KAZN: variants seen among roughly 807,000 people sequenced by gnomAD.
KAZN encodes kazrin, periplakin interacting protein.
In KAZN, 40 loss-of-function variants were observed where a neutral mutation model predicts 87.4. The ratio of observed to expected loss-of-function variants is 0.46; its 90% CI spans 0.36 to 0.60. The LOEUF (loss-of-function observed/expected upper bound fraction) is 0.60. KAZN is among the 20% of genes least tolerant of loss of function. KAZN has a pLI of 0.00. For missense variants in KAZN, 898 were observed against 1,073.9 expected, an observed-to-expected ratio of 0.84 and a Z score of 2.29; for synonymous variants, 466 against 458.3, an observed-to-expected ratio of 1.02 and a Z score of -0.22.
intron 1 of KAZN, among the ~76,000 whole-genome samples, chr1:14,784,648 A>T (rs1185876008): frequency 1.3e-5 from 2 of 152,182 alleles, no homozygotes; most frequent in Non-Finnish European, 2.9e-5. Flanking sequence ...AGTCTCTGGT[A>T]CTTGGGAGGC....
intron 1 of KAZN, among the ~76,000 whole-genome samples, chr1:14,776,644 T>C (rs1033025012): frequency 1.3e-5 from 2 of 152,130 alleles, no homozygotes; most frequent in Non-Finnish European, 2.9e-5. Context: ...TGGTAACTTT[T>C]TGGGCCGGGC....
In KAZN at chr1:14,248,367, G is replaced by A. The variant is rs1649704505; in HGVS notation, c.249+67775G>A. ...AAACATATATTTGTTAGCATTTGCT[G>A]TGTACCAGGAGCCAAAGTAAAAATT... On this transcript the variant is annotated intron_variant, in intron 2 of 16. Coordinates refer to the KAZN transcript ENST00000636203. Among the ~76,000 whole-genome samples the A allele has an allele frequency of 2.0e-5, 3 of 152,322 alleles. No individual in the cohort carries two copies. In the South Asian group the frequency reaches 6.2e-4, roughly 32 times the overall value.
chr1:14,025,741 A>T (rs76902370), intron 1 of KAZN, among the ~76,000 whole-genome samples: 3,212 of 152,292 alleles, frequency 0.021, 111 homozygotes, highest in African/African-American at 0.072. Context: ...TTATTTAATT[A>T]TAATTGTATT....
intron 2 of KAZN, among the ~76,000 whole-genome samples, chr1:14,192,863 CATT>C (rs994276777): frequency 6.6e-6 from 1 of 152,118 alleles, no homozygotes; most frequent in African/African-American, 2.4e-5. Flanking sequence ...AAGAATGTGA[CATT>C]ATTTGGACAT....
chr1:14,105,039 C>T (rs966866227), intron 1 of KAZN, among the ~76,000 whole-genome samples: 12 of 152,064 alleles, frequency 7.9e-5, no homozygotes, highest in African/African-American at 2.7e-4. Flanking sequence ...CTCTCATAAG[C>T]GCTGGAACTC....
At chr1:15,036,992 A>G (rs1672406159) in intron 3 of KAZN, among the ~76,000 whole-genome samples, 1 of 152,184 alleles carries the variant, frequency 6.6e-6, no homozygotes, top group Non-Finnish European at 1.5e-5. Flanking sequence ...GCCTGGGTCC[A>G]GAGCCTACGG....
At chr1:14,604,574 C>G (rs931574567) in intron 1 of KAZN, among the ~76,000 whole-genome samples, 1 of 152,246 alleles carries the variant, frequency 6.6e-6, no homozygotes, top group Non-Finnish European at 1.5e-5. Context: ...GGCACTCCTG[C>G]TACCCCCTTG....
chr1:14,274,483 C>T lies in KAZN; in HGVS notation c.249+93891C>T, dbSNP rs374206583. Among the ~76,000 whole-genome samples, 30 of 152,302 alleles carry T rather than the reference C, an allele frequency of 2.0e-4. No homozygotes were observed. In the South Asian group the frequency reaches 3.7e-3, roughly 19 times the overall value. ...TCCTGATTCTGACTTTATACCTAAG[C>T]ATCATCCGGGGAGCTTAATAAAATG... On this transcript the variant is annotated intron_variant, in intron 2 of 16. Coordinates refer to the KAZN transcript ENST00000636203.
intron 2 of KAZN, among the ~76,000 whole-genome samples, chr1:14,385,383 T>C (rs573570432): frequency 3.3e-5 from 5 of 152,346 alleles, no homozygotes; most frequent in Non-Finnish European, 5.9e-5. Context: ...CTTGCTTTTC[T>C]AGTTCTTTTA....
At chr1:14,068,695 G>A (rs1643115540) in intron 1 of KAZN, among the ~76,000 whole-genome samples, 1 of 152,144 alleles carries the variant, frequency 6.6e-6, no homozygotes, top group African/African-American at 2.4e-5. Context: ...TGTTATAAAT[G>A]CAGTTGTCTT....
intron 2 of KAZN, among the ~76,000 whole-genome samples, chr1:14,551,591 A>G (rs1383958252): frequency 6.6e-6 from 1 of 152,178 alleles, no homozygotes; most frequent in African/African-American, 2.4e-5. Context: ...TATCTGCTCC[A>G]CGTGTTCGTT....
chr1:14,992,450 T>C (rs987665723), intron 2 of KAZN, among the ~76,000 whole-genome samples: 1 of 152,138 alleles, frequency 6.6e-6, no homozygotes, highest in East Asian at 1.9e-4. Flanking sequence ...CTGGCCATTA[T>C]TCGATGAGGA....
intron 1 of KAZN, among the ~76,000 whole-genome samples, chr1:14,087,752 A>G (rs1643887933): frequency 6.6e-6 from 1 of 152,032 alleles, no homozygotes; most frequent in Non-Finnish European, 1.5e-5. Context: ...GGTGAATTAC[A>G]TGGATTAATT....
chr1:13,979,711 A>G (rs1039052450), intron 1 of KAZN, among the ~76,000 whole-genome samples: 1 of 152,096 alleles, frequency 6.6e-6, no homozygotes, highest in East Asian at 1.9e-4. Context: ...GGCGGATCAC[A>G]AGGTCAGGAG....
intron 2 of KAZN, among the ~76,000 whole-genome samples, chr1:14,377,575 C>A (rs1478406918): frequency 6.6e-6 from 1 of 152,240 alleles, no homozygotes; most frequent in African/African-American, 2.4e-5. Flanking sequence ...GTAGTTAGAG[C>A]TGCTGTTGCA....
intron 2 of KAZN, among the ~76,000 whole-genome samples, chr1:14,338,389 G>GCC (rs1187498958): frequency 6.6e-6 from 1 of 151,856 alleles, no homozygotes; most frequent in Non-Finnish European, 1.5e-5. Flanking sequence ...GGACACTGAG[G>GCC]CAGGAGAATC....
chr1:13,949,840 G>A lies in KAZN; in HGVS notation c.91+56084G>A, dbSNP rs1307782911. Among the ~76,000 whole-genome samples the A allele has an allele frequency of 4.6e-5, 7 of 152,288 alleles. No individual in the cohort carries two copies. In the East Asian group the frequency reaches 7.7e-4, roughly 17 times the overall value. On this transcript the variant is annotated intron_variant, in intron 1 of 16. Transcript: ENST00000636203. Reference sequence around the variant, plus strand: ...TCCATCCTCTAAGGTCAAAGGTAACGGGGAAGCTGCTGCTCAAAACACAGC... The same window carrying A: ...TCCATCCTCTAAGGTCAAAGGTAACAGGGAAGCTGCTGCTCAAAACACAGC...
At chr1:13,960,117 A>T (rs189068818) in intron 1 of KAZN, among the ~76,000 whole-genome samples, 107 of 152,250 alleles carry the variant, frequency 7.0e-4, no homozygotes, top group Non-Finnish European at 1.2e-3. Flanking sequence ...AGAATTTATC[A>T]TTAAAAATCA....
At chr1:14,170,642 CT>C (rs1645934543) in intron 1 of KAZN, among the ~76,000 whole-genome samples, 1 of 152,160 alleles carries the variant, frequency 6.6e-6, no homozygotes, top group Non-Finnish European at 1.5e-5. Context: ...GTCCCAGAAC[CT>C]TTTTATTGCC....
Sources: allele counts gnomAD v4.1 joint callset (sites outside exome capture counted in the v4.1 genomes callset), GRCh38; gene constraint gnomAD v4.1.1; transcripts MANE v1.5; gene names NCBI Gene and HGNC (gene_info 2026-07-23, HGNC 2026-07-21).